TBC1D31: variants seen among roughly 807,000 people sequenced by gnomAD.
TBC1D31 encodes TBC1 domain family member 31.
Under a neutral mutation model 132.9 loss-of-function variants are expected in TBC1D31, and 99 were observed. That is an observed-to-expected ratio of 0.74 (90% CI 0.63 to 0.88). The LOEUF is 0.88. Ranked by LOEUF, TBC1D31 falls within the 40% of genes least tolerant of loss-of-function variation. The pLI is 0.00. For missense variants in TBC1D31, 1,134 were observed against 1,256.6 expected (o/e 0.90, Z 1.48); for synonymous variants, 385 against 419.4 (o/e 0.92, Z 1.00).
At chr8:123,082,503 A>G (rs964025510) in intron 2 of TBC1D31, 199 bp from the exon 3 acceptor site, 15 of 536,508 alleles carry the variant, frequency 2.8e-5, no homozygotes, top group African/African-American at 2.3e-4. Flanking sequence ...CTGCTGTGCT[A>G]ACACTTACAG....
At chr8:123,110,555 G>A (rs913045031) in intron 10 of TBC1D31, among the ~76,000 whole-genome samples, 6 of 151,988 alleles carry the variant, frequency 3.9e-5, no homozygotes, top group African/African-American at 1.4e-4. Flanking sequence ...AAAAAATAAT[G>A]TAACAAATAT....
intron 2 of TBC1D31, among the ~76,000 whole-genome samples, chr8:123,080,478 A>C (rs1420905744): frequency 6.9e-6 from 1 of 144,692 alleles, no homozygotes; most frequent in African/African-American, 2.6e-5. Context: ...ATGCAAATTT[A>C]TGTAAACTTT....
chr8:123,090,058 C>A (rs774253978), intron 4 of TBC1D31, among the ~76,000 whole-genome samples: 1 of 152,172 alleles, frequency 6.6e-6, no homozygotes, highest in Non-Finnish European at 1.5e-5. Context: ...ACCAGTCTAA[C>A]CTCTTTCCGC....
At chr8:123,098,717 T>G (rs1191673234) in intron 6 of TBC1D31, among the ~76,000 whole-genome samples, 2 of 152,232 alleles carry the variant, frequency 1.3e-5, no homozygotes, top group African/African-American at 2.4e-5. Flanking sequence ...TTTTAGTCAT[T>G]TTCTGTTACA....
rs1563691394 is a variant in TBC1D31, at chr8:123,097,386, G to A, written c.776G>A (p.Arg259Gln). The A allele has an allele frequency of 2.5e-6, 4 of 1,614,104 alleles. No individual in the cohort carries two copies. Among genetic ancestry groups the A allele is most frequent in the Non-Finnish European group, 1.7e-6 (2 of 1,180,022 alleles). The change falls in exon 6 of 22, where the codon CGA (arginine) becomes CAA (glutamine). Residue 259 changes from arginine to glutamine, a missense_variant. Transcript: ENST00000287380. ...FRIIQMPTKVRAIRHLEFLPD... is the reference protein window; with the variant it reads ...FRIIQMPTKVQAIRHLEFLPD... ...ATTATCCAGATGCCCACTAAAGTTC[G>A]AGCCATTCGCCATCTGGAATTTCTT...
At chr8:123,162,265 A>C in the TBC1D31 span, among the ~76,000 whole-genome samples, 2 of 152,002 alleles carry the variant, frequency 1.3e-5, no homozygotes, top group African/African-American at 4.8e-5. Context: ...CAAAAAATAG[A>C]GTTTATTAGA....
At chr8:123,143,740 G>A (rs1386748272) in intron 19 of TBC1D31, among the ~76,000 whole-genome samples, 1 of 152,162 alleles carries the variant, frequency 6.6e-6, no homozygotes, top group Non-Finnish European at 1.5e-5. Flanking sequence ...GGAGAGGGTG[G>A]GGGTAATATC....
the TBC1D31 span, among the ~76,000 whole-genome samples, chr8:123,158,562 C>G: frequency 1.3e-5 from 2 of 151,826 alleles, no homozygotes; most frequent in African/African-American, 4.8e-5. Context: ...CGGATATTCA[C>G]GGCACAACTC....
intron 17 of TBC1D31, among the ~76,000 whole-genome samples, chr8:123,135,057 G>C (rs1820955942): frequency 6.6e-6 from 1 of 152,052 alleles, no homozygotes; most frequent in African/African-American, 2.4e-5. Flanking sequence ...GCGCCACCAA[G>C]CCTATCTAAT....
chr8:123,137,264 C>T (rs1364542514), intron 17 of TBC1D31, among the ~76,000 whole-genome samples: 3 of 152,276 alleles, frequency 2.0e-5, no homozygotes, highest in East Asian at 1.9e-4. Flanking sequence ...CCTTCTCCTT[C>T]GGATAATACC....
At position 123,078,564 on chromosome 8, in the gene TBC1D31, C is replaced by G. The variant is rs193227834; in HGVS notation, c.224+1307C>G. Among the ~76,000 whole-genome samples, 1,055 of 152,246 alleles carry G rather than the reference C, an allele frequency of 6.9e-3. 10 individuals are homozygous for G. The highest frequency in any genetic ancestry group is 0.024 in the African/African-American group (993 of 41,546). On this transcript the variant is annotated intron_variant, in intron 2 of 21. Coordinates refer to ENST00000287380, the MANE Select transcript of TBC1D31 (RefSeq NM_145647.4). Reference sequence around the variant, plus strand: ...GTTCTTGTTTTCAAAATACCACTTTCTACTAAAAAGAATCAAGGATATTTG... The same window carrying G: ...GTTCTTGTTTTCAAAATACCACTTTGTACTAAAAAGAATCAAGGATATTTG...
At chr8:123,126,244 G>A (rs1396028628) in intron 12 of TBC1D31, 55 bp downstream of exon 12, 1 of 1,565,436 alleles carries the variant, frequency 6.4e-7, no homozygotes, top group Non-Finnish European at 8.6e-7. Context: ...GCTAACATTG[G>A]TTCTGGTATA....
At chr8:123,077,505 T>C (rs1046125672) in intron 2 of TBC1D31, among the ~76,000 whole-genome samples, 2 of 151,770 alleles carry the variant, frequency 1.3e-5, no homozygotes, top group African/African-American at 2.4e-5. Flanking sequence ...CTTTTTTTTT[T>C]CTTAAATTTA....
intron 10 of TBC1D31, among the ~76,000 whole-genome samples, chr8:123,111,378 A>C (rs1205550118): frequency 6.6e-6 from 1 of 152,194 alleles, no homozygotes; most frequent in Non-Finnish European, 1.5e-5. Context: ...ATGTAGGAAA[A>C]GGCAAGTTAA....
At chr8:123,096,773 C>T (rs1381455232) in intron 5 of TBC1D31, among the ~76,000 whole-genome samples, 1 of 152,188 alleles carries the variant, frequency 6.6e-6, no homozygotes, top group Non-Finnish European at 1.5e-5. Context: ...GAGCAACGGC[C>T]TTGCAAGTCA....
intron 17 of TBC1D31, among the ~76,000 whole-genome samples, chr8:123,139,872 C>T (rs1821457063): frequency 6.6e-6 from 1 of 152,138 alleles, no homozygotes; most frequent in Admixed American, 6.5e-5. Context: ...TCAGCAACTT[C>T]CCCAGGGATA....
At chr8:123,113,717 A>AATC (rs1317766765) in intron 10 of TBC1D31, among the ~76,000 whole-genome samples, 2 of 151,842 alleles carry the variant, frequency 1.3e-5, no homozygotes, top group African/African-American at 4.8e-5. Context: ...TTTAAATTAT[A>AATC]ATCCTAGTTT....
At chr8:123,143,903 G>C (rs1821932420) in intron 19 of TBC1D31, among the ~76,000 whole-genome samples, 1 of 152,154 alleles carries the variant, frequency 6.6e-6, no homozygotes, top group Admixed American at 6.5e-5. Context: ...AATCATTGTA[G>C]GGGCCCTTCA....
chr8:123,134,454 G>T (rs960015092), intron 17 of TBC1D31, among the ~76,000 whole-genome samples: 1 of 151,974 alleles, frequency 6.6e-6, no homozygotes, highest in Non-Finnish European at 1.5e-5. Context: ...TTGAGCCCTG[G>T]AGTTCGAGGC....
Sources: gnomAD v4.1 joint callset for allele counts (sites outside exome capture counted in the v4.1 genomes callset) on GRCh38, gnomAD v4.1.1 for gene constraint, MANE v1.5 for transcripts, NCBI Gene and HGNC (gene_info 2026-07-23, HGNC 2026-07-21) for gene names.